PDE7B: variants seen among roughly 807,000 people sequenced by gnomAD.
PDE7B encodes the protein phosphodiesterase 7B.
PDE7B carries 29 observed loss-of-function variants against 56.2 expected under a neutral mutation model. The ratio of observed to expected loss-of-function variants is 0.52; its 90% CI spans 0.38 to 0.70. The LOEUF is 0.70. Ranked by LOEUF, PDE7B falls within the 30% of genes least tolerant of loss-of-function variation. PDE7B has a pLI of 0.00. For synonymous variants in PDE7B, 197 were observed against 196.9 expected (o/e 1.00, Z 0.00); for missense variants, 490 against 565.0 (o/e 0.87, Z 1.35).
intron 2 of PDE7B, among the ~76,000 whole-genome samples, chr6:135,997,579 T>C (rs1462763673): frequency 2.0e-5 from 3 of 152,006 alleles, no homozygotes; most frequent in African/African-American, 4.8e-5. Flanking sequence ...TATACAGAGA[T>C]GTTTCTGCAG....
At chr6:135,880,417 C>T (rs1413618931) in intron 1 of PDE7B, among the ~76,000 whole-genome samples, 1 of 152,080 alleles carries the variant, frequency 6.6e-6, no homozygotes, top group African/African-American at 2.4e-5. Context: ...TGGGTGGAGT[C>T]AAGAGGCACT....
At chr6:136,042,367 C>T (rs1776427211) in intron 2 of PDE7B, among the ~76,000 whole-genome samples, 1 of 152,308 alleles carries the variant, frequency 6.6e-6, no homozygotes, top group African/African-American at 2.4e-5. Flanking sequence ...AGGACTTGTT[C>T]TTAGTTGAAT....
At chr6:136,098,864 T>G (rs555019513) in intron 2 of PDE7B, among the ~76,000 whole-genome samples, 39 of 152,226 alleles carry the variant, frequency 2.6e-4, no homozygotes, top group Admixed American at 2.2e-3. Flanking sequence ...CCATGTTGGT[T>G]TGCTGCACCC....
intron 1 of PDE7B, among the ~76,000 whole-genome samples, chr6:135,886,536 C>CCT (rs3037802): frequency 0.68 from 103,486 of 151,618 alleles, 36,024 homozygotes; most frequent in African/African-American, 0.83. Context: ...CTCAACCTAC[C>CCT]CTGAGTCCCC....
At chr6:135,983,142 T>C (rs1302855404) in intron 2 of PDE7B, among the ~76,000 whole-genome samples, 1 of 152,180 alleles carries the variant, frequency 6.6e-6, no homozygotes, top group Non-Finnish European at 1.5e-5. Flanking sequence ...TTTCAATCAT[T>C]GTGGTAGGTA....
intron 2 of PDE7B, chr6:136,012,816 C>G (rs948840488): frequency 6.6e-6 from 1 of 152,162 alleles, no homozygotes; most frequent in Non-Finnish European, 1.5e-5. Flanking sequence ...AGAGAGTGTT[C>G]TGACAATAAA....
intron 1 of PDE7B, among the ~76,000 whole-genome samples, chr6:135,944,183 G>T (rs1774554658): frequency 6.6e-6 from 1 of 152,164 alleles, no homozygotes; most frequent in Admixed American, 6.6e-5. Flanking sequence ...AGCTTGACTA[G>T]AGCATAGAAG....
intron 3 of PDE7B, among the ~76,000 whole-genome samples, chr6:136,142,160 G>C (rs557264550): frequency 5.9e-5 from 9 of 152,142 alleles, no homozygotes; most frequent in Non-Finnish European, 1.3e-4. Context: ...TTGTGTCTTT[G>C]TTCTCACTGG....
At chr6:135,990,213 A>T (rs749034586) in intron 2 of PDE7B, among the ~76,000 whole-genome samples, 1 of 151,106 alleles carries the variant, frequency 6.6e-6, no homozygotes, top group Non-Finnish European at 1.5e-5. Flanking sequence ...CTTCTGCCTC[A>T]GCCTACCAAG....
chr6:136,149,244 C>A, intron 5 of PDE7B, 94 bp downstream of exon 5: 1 of 798,558 alleles, frequency 1.3e-6, no homozygotes, highest in East Asian at 2.6e-5. Context: ...ACTGCTATTC[C>A]TTTTTCCTTC....
At chr6:136,150,280 G>C (rs6941286) in intron 5 of PDE7B, among the ~76,000 whole-genome samples, 13,696 of 152,136 alleles carry the variant, frequency 0.09, 2,114 homozygotes, top group African/African-American at 0.31. Context: ...GAAATAAATT[G>C]TATTTCCACC....
At chr6:136,118,870 AT>A (rs1293736744) in intron 3 of PDE7B, among the ~76,000 whole-genome samples, 8 of 152,190 alleles carry the variant, frequency 5.3e-5, no homozygotes, top group African/African-American at 1.9e-4. Flanking sequence ...GAATGAGAAA[AT>A]ATGAGATTAA....
chr6:135,950,531 T>C (rs1379358005), intron 2 of PDE7B, among the ~76,000 whole-genome samples: 1 of 152,192 alleles, frequency 6.6e-6, no homozygotes, highest in Non-Finnish European at 1.5e-5. Flanking sequence ...AAACCAAATA[T>C]ATGGGGCCAC....
chr6:136,093,447 T>C (rs1296963785), intron 2 of PDE7B, among the ~76,000 whole-genome samples: 3 of 152,248 alleles, frequency 2.0e-5, no homozygotes, highest in Admixed American at 2.0e-4. Flanking sequence ...ATGGATAAAG[T>C]ACTCCAAAAT....
chr6:135,873,167 A>G (rs1775419981), intron 1 of PDE7B, among the ~76,000 whole-genome samples: 1 of 152,208 alleles, frequency 6.6e-6, no homozygotes, highest in African/African-American at 2.4e-5. Context: ...ATCTGTCATT[A>G]AGTGGCAATT....
chr6:135,984,304 T>G (rs935012317), intron 2 of PDE7B, among the ~76,000 whole-genome samples: 6 of 146,478 alleles, frequency 4.1e-5, no homozygotes, highest in African/African-American at 8.2e-5. Flanking sequence ...TTTTTGTTTG[T>G]TTTTTTTGTT....
chr6:136,002,899 T>G (rs1232465884), intron 2 of PDE7B, among the ~76,000 whole-genome samples: 1 of 151,970 alleles, frequency 6.6e-6, no homozygotes. Context: ...ACAATATACA[T>G]TTTTTTCAGC....
chr6:136,112,302 C>A (rs905795429), intron 3 of PDE7B, among the ~76,000 whole-genome samples: 1 of 152,186 alleles, frequency 6.6e-6, no homozygotes, highest in Non-Finnish European at 1.5e-5. Flanking sequence ...CAGAAGTGGA[C>A]AAATGACTGT....
intron 3 of PDE7B, among the ~76,000 whole-genome samples, chr6:136,144,592 T>TAATGTCATTTATGACATTTTTTC: frequency 6.6e-6 from 1 of 152,206 alleles, no homozygotes; most frequent in Non-Finnish European, 1.5e-5. Flanking sequence ...ATTGTGCTAA[T>TAATGTCATTTATGACATTTTTTC]AATGTCATTT....
Sources: allele counts gnomAD v4.1 joint callset (sites outside exome capture counted in the v4.1 genomes callset), GRCh38; gene constraint gnomAD v4.1.1; transcripts MANE v1.5; gene names NCBI Gene and HGNC (gene_info 2026-07-23, HGNC 2026-07-21).